Variants in CATSPERB observed in about 807,000 individuals in gnomAD.
CATSPERB encodes the protein catsper channel auxiliary subunit beta.
In CATSPERB, 93 loss-of-function variants were observed where a neutral mutation model predicts 128.3. The ratio of observed to expected loss-of-function variants is 0.72; its 90% CI spans 0.61 to 0.86. The LOEUF (loss-of-function observed/expected upper bound fraction) is 0.86. Among genes scored for constraint, CATSPERB ranks in the 40% least tolerant of loss-of-function variants. The pLI is 0.00. For synonymous variants in CATSPERB, 381 were observed against 448.8 expected, an observed-to-expected ratio of 0.85 and a Z score of 1.91; for missense variants, 1,153 against 1,329.5, an observed-to-expected ratio of 0.87 and a Z score of 2.06.
At chr14:91,699,476 A>C (rs984618739) in intron 7 of CATSPERB, among the ~76,000 whole-genome samples, 1 of 152,198 alleles carries the variant, frequency 6.6e-6, no homozygotes, top group African/African-American at 2.4e-5. Flanking sequence ...CCAAATAGCT[A>C]AAGTATTCCT....
At chr14:91,668,696 G>C (rs544211182) in intron 14 of CATSPERB, among the ~76,000 whole-genome samples, 58 of 152,284 alleles carry the variant, frequency 3.8e-4, no homozygotes, top group Non-Finnish European at 7.6e-4. Flanking sequence ...CCTGAAATCA[G>C]CAAGACCACA....
chr14:91,604,639 G>A lies in CATSPERB; in HGVS notation c.2709+3655C>T, dbSNP rs534010947. Reference sequence around the variant, plus strand: ...AGGCCTGATTGTTCCAGGACTGGGTGCACCAGGTCTGAGTGTTCCAGGAGT... The same window carrying A: ...AGGCCTGATTGTTCCAGGACTGGGTACACCAGGTCTGAGTGTTCCAGGAGT... On this transcript the variant is annotated intron_variant, in intron 22 of 26. Coordinates refer to ENST00000256343, the MANE Select transcript of CATSPERB (RefSeq NM_024764.4). 11 of 1,611,776 alleles carry A rather than the reference G, an allele frequency of 6.8e-6. No homozygotes were observed. In the African/African-American group the frequency reaches 1.2e-4, roughly 18 times the overall value.
chr14:91,667,862 T>C (rs904768238), intron 14 of CATSPERB, among the ~76,000 whole-genome samples: 7 of 152,258 alleles, frequency 4.6e-5, no homozygotes, highest in Non-Finnish European at 1.0e-4. Context: ...TTCTAGGTCC[T>C]GTGACAGCCA....
Position 91,652,629 on chromosome 14 carries a change from C to T in CATSPERB, c.1432+7208G>A, listed in dbSNP as rs116993706. ...GAGGTTGCAGTGAGCTGAGATCATACCACTGCACCCCAGTCTGAGCAACAG... is the reference window on the plus strand; with the variant it reads ...GAGGTTGCAGTGAGCTGAGATCATATCACTGCACCCCAGTCTGAGCAACAG... On this transcript the variant is annotated intron_variant, in intron 15 of 26. Coordinates refer to ENST00000256343, the MANE Select transcript of CATSPERB (RefSeq NM_024764.4). Among the ~76,000 whole-genome samples the T allele has an allele frequency of 3.8e-3, 475 of 126,192 alleles. 19 individuals carry two copies. The East Asian group carries it at 0.097, about 26-fold the overall frequency. The allele number at this position is 126,192 out of a possible 152,430, so 82.8% of individuals were successfully genotyped here. A position where few individuals can be genotyped will look rare whatever the true frequency, so the allele number is the denominator to read the frequency against.
intron 17 of CATSPERB, among the ~76,000 whole-genome samples, chr14:91,627,402 G>C (rs1894185121): frequency 6.6e-6 from 1 of 152,124 alleles, no homozygotes; most frequent in African/African-American, 2.4e-5. Context: ...CAATTATACT[G>C]ACAAATACAG....
intron 19 of CATSPERB, among the ~76,000 whole-genome samples, chr14:91,621,139 C>CGCCTGTA (rs1023022176): frequency 2.6e-5 from 4 of 152,274 alleles, no homozygotes; most frequent in Admixed American, 2.6e-4. Context: ...AGGTGGCTCA[C>CGCCTGTA]GCCTGTAATC....
At chr14:91,721,703 AG>A (rs1896033388) in intron 4 of CATSPERB, among the ~76,000 whole-genome samples, 3 of 152,106 alleles carry the variant, frequency 2.0e-5, no homozygotes, top group African/African-American at 7.2e-5. Context: ...ACAAAAAATT[AG>A]CCAGGTTTGG....
intron 7 of CATSPERB, among the ~76,000 whole-genome samples, chr14:91,703,393 C>T (rs1360679157): frequency 6.6e-6 from 1 of 152,092 alleles, no homozygotes; most frequent in Non-Finnish European, 1.5e-5. Flanking sequence ...TCTTTGGCCC[C>T]AGTTCCTGAT....
chr14:91,648,195 C>T (rs1005587029), intron 15 of CATSPERB, among the ~76,000 whole-genome samples: 4 of 152,158 alleles, frequency 2.6e-5, no homozygotes, highest in South Asian at 2.1e-4. Context: ...AGCCTCTTAT[C>T]AACATATCAC....
At chr14:91,708,427 T>C (rs1168065336) in intron 5 of CATSPERB, among the ~76,000 whole-genome samples, 191 bp from the exon 6 acceptor site, 2 of 152,202 alleles carry the variant, frequency 1.3e-5, no homozygotes, top group Admixed American at 6.5e-5. Flanking sequence ...AAAAGAATTA[T>C]GAAGTGATCT....
intron 5 of CATSPERB, among the ~76,000 whole-genome samples, chr14:91,715,686 A>G (rs1294694657): frequency 6.6e-6 from 1 of 152,200 alleles, no homozygotes; most frequent in Non-Finnish European, 1.5e-5. Flanking sequence ...TTTACATAGA[A>G]AGGCAAAAGA....
chr14:91,617,765 T>G, intron 19 of CATSPERB, 29 bp from the exon 20 acceptor site: 1 of 1,501,984 alleles, frequency 6.7e-7, no homozygotes, highest in Non-Finnish European at 9.1e-7. Flanking sequence ...CAGTTAATAT[T>G]AGATAATGAA....
chr14:91,649,265 T>C (rs1276901519), intron 15 of CATSPERB, among the ~76,000 whole-genome samples: 2 of 152,176 alleles, frequency 1.3e-5, no homozygotes, highest in African/African-American at 2.4e-5. Context: ...CTTTCATGTC[T>C]ATTTTTATGG....
At chr14:91,731,007 A>G (rs1432789360) in intron 1 of CATSPERB, among the ~76,000 whole-genome samples, 1 of 152,190 alleles carries the variant, frequency 6.6e-6, no homozygotes, top group Non-Finnish European at 1.5e-5. Context: ...TTTTTGGTGT[A>G]AGAACGAATT....
At position 91,693,250 on chromosome 14, in the gene CATSPERB, C is replaced by G; in HGVS notation, c.713-6G>C. On this transcript the variant is annotated splice_polypyrimidine_tract_variant and splice_region_variant and intron_variant, in intron 8 of 26. Transcript: ENST00000256343. ...CAATGAAAGGTCTTCATATTCTAAA[C>G]GAAGAAATCATACCATGGATTAAAA... The G allele has an allele frequency of 1.9e-6, 3 of 1,598,258 alleles. No individual in the cohort carries two copies. The East Asian group carries it at 6.7e-5, about 36-fold the overall frequency.
intron 20 of CATSPERB, among the ~76,000 whole-genome samples, chr14:91,616,737 T>A (rs931843287): frequency 1.4e-5 from 2 of 138,372 alleles, no homozygotes; most frequent in Admixed American, 1.4e-4. Flanking sequence ...ATTCCCCTTT[T>A]TTTTTTTTTT....
chr14:91,589,609 C>G lies in CATSPERB; in HGVS notation c.2881G>C (p.Asp961His). The part of the protein sequence containing the change: ...YPVSLEIINE[D>H]GRVPLQSPYL... ...GGAGATTGCAATGGGACACGTCCAT[C>G]CTCGTTGATAATTTCCAAAGAAACT... is the stretch of plus-strand genomic sequence containing the variant. Residue 961 changes from aspartate to histidine, a missense_variant, in exon 24 of 27, where the codon GAT becomes CAT. By Grantham distance (81) the Asp-to-His change is moderately conservative. Transcript: ENST00000256343. 1 of 1,613,856 alleles carries G rather than the reference C, an allele frequency of 6.2e-7. No homozygotes were observed.
intron 13 of CATSPERB, 120 bp from the exon 14 acceptor site, chr14:91,670,092 A>C: frequency 1.2e-6 from 1 of 863,728 alleles, no homozygotes; most frequent in Non-Finnish European, 1.8e-6. Context: ...ATAGAACTAG[A>C]AGGATTAGCA....
intron 16 of CATSPERB, among the ~76,000 whole-genome samples, 168 bp downstream of exon 16, chr14:91,638,928 G>A (rs1894433575): frequency 6.6e-6 from 1 of 152,166 alleles, no homozygotes; most frequent in Non-Finnish European, 1.5e-5. Flanking sequence ...AAGAAGATTT[G>A]GAGATGTTTG....
Sources: allele counts gnomAD v4.1 joint callset (sites outside exome capture counted in the v4.1 genomes callset), GRCh38; gene constraint gnomAD v4.1.1; transcripts MANE v1.5; gene names NCBI Gene and HGNC (gene_info 2026-07-23, HGNC 2026-07-21).